Variants in MYO1D observed in about 807,000 individuals in gnomAD.
The protein encoded by MYO1D is unconventional myosin-Id.
Under a neutral mutation model 122.0 loss-of-function variants are expected in MYO1D, and 83 were observed. That is an observed-to-expected ratio of 0.68 (90% CI 0.57 to 0.82). The LOEUF (loss-of-function observed/expected upper bound fraction) is 0.82, where lower values mean the gene tolerates loss of function less well. Ranked by LOEUF, MYO1D falls within the 40% of genes least tolerant of loss-of-function variation. The pLI is 0.00. For missense variants in MYO1D, 1,157 were observed against 1,269.5 expected, an observed-to-expected ratio of 0.91 and a Z score of 1.35; for synonymous variants, 464 against 446.9, an observed-to-expected ratio of 1.04 and a Z score of -0.48.
intron 1 of MYO1D, among the ~76,000 whole-genome samples, chr17:32,790,307 A>G (rs1174162505): frequency 6.6e-6 from 1 of 152,204 alleles, no homozygotes; most frequent in Non-Finnish European, 1.5e-5. Flanking sequence ...ACATTGGTTC[A>G]TCTCATGCCA....
intron 16 of MYO1D, among the ~76,000 whole-genome samples, chr17:32,700,912 C>T (rs936862982): frequency 6.8e-6 from 1 of 146,900 alleles, no homozygotes; most frequent in Admixed American, 6.9e-5. Flanking sequence ...CCATTGTACT[C>T]CAGCTTGGAT....
At chr17:32,777,999 T>C (rs1167314526) in intron 3 of MYO1D, among the ~76,000 whole-genome samples, 3 of 152,196 alleles carry the variant, frequency 2.0e-5, no homozygotes, top group Non-Finnish European at 4.4e-5. Flanking sequence ...CTGAATGTTG[T>C]AATGATGATG....
intron 19 of MYO1D, among the ~76,000 whole-genome samples, chr17:32,641,756 C>G (rs927410343): frequency 6.6e-6 from 1 of 152,192 alleles, no homozygotes; most frequent in African/African-American, 2.4e-5. Context: ...CTGTTCATAT[C>G]TTTCTCCCAC....
At chr17:32,867,006 T>C (rs902895094) in intron 1 of MYO1D, among the ~76,000 whole-genome samples, 3 of 152,340 alleles carry the variant, frequency 2.0e-5, no homozygotes, top group East Asian at 1.9e-4. Flanking sequence ...CTTAATTATA[T>C]TGTCATCAGT....
intron 1 of MYO1D, among the ~76,000 whole-genome samples, chr17:32,810,868 T>G (rs1056234953): frequency 3.9e-5 from 6 of 152,242 alleles, no homozygotes; most frequent in Non-Finnish European, 8.8e-5. Flanking sequence ...TTTTTGGTAA[T>G]TTAATATTTA....
intron 20 of MYO1D, among the ~76,000 whole-genome samples, chr17:32,615,467 G>A (rs1009816390): frequency 2.0e-5 from 3 of 152,138 alleles, no homozygotes; most frequent in Non-Finnish European, 4.4e-5. Flanking sequence ...TCTTCTTGCT[G>A]TCTATGAAAA....
chr17:32,589,760 G>A (rs1446877999), intron 21 of MYO1D, among the ~76,000 whole-genome samples: 1 of 152,144 alleles, frequency 6.6e-6, no homozygotes. Context: ...TCATTCTAGG[G>A]ATTTTTATTG....
chr17:32,659,428 C>G, intron 16 of MYO1D, 90 bp from the exon 17 acceptor site: 3 of 1,321,742 alleles, frequency 2.3e-6, no homozygotes, highest in Non-Finnish European at 3.2e-6. Flanking sequence ...TACTTACAAA[C>G]TCAACCAGGC....
intron 21 of MYO1D, among the ~76,000 whole-genome samples, chr17:32,563,618 T>C (rs943065817): frequency 1.3e-5 from 2 of 152,218 alleles, no homozygotes; most frequent in African/African-American, 4.8e-5. Flanking sequence ...GGGAGAACTA[T>C]AATTGCAATG....
chr17:32,714,270 T>G (rs1239977197), intron 15 of MYO1D, among the ~76,000 whole-genome samples: 2 of 151,464 alleles, frequency 1.3e-5, no homozygotes, highest in Non-Finnish European at 2.9e-5. Context: ...CCCCGATATG[T>G]CCACGTGTTC....
intron 19 of MYO1D, among the ~76,000 whole-genome samples, chr17:32,646,691 AC>A (rs2088299823): frequency 6.6e-6 from 1 of 152,326 alleles, no homozygotes; most frequent in Admixed American, 6.5e-5. Context: ...TTGTATGAAA[AC>A]ACTGTTTGAA....
At chr17:32,692,191 T>C (rs1420845967) in intron 16 of MYO1D, among the ~76,000 whole-genome samples, 2 of 152,242 alleles carry the variant, frequency 1.3e-5, no homozygotes, top group Non-Finnish European at 2.9e-5. Flanking sequence ...ATAAACTTTC[T>C]GTTTTAGGTT....
chr17:32,660,203 T>C (rs140823827), intron 16 of MYO1D, among the ~76,000 whole-genome samples: 148 of 152,320 alleles, frequency 9.7e-4, no homozygotes, highest in Non-Finnish European at 1.8e-3. Flanking sequence ...CCTAGTTGCT[T>C]TCTTCGATGA....
intron 15 of MYO1D, among the ~76,000 whole-genome samples, chr17:32,718,091 C>T (rs1461243902): frequency 6.6e-6 from 1 of 152,048 alleles, no homozygotes; most frequent in African/African-American, 2.4e-5. Context: ...CTCTGGCCCA[C>T]TAATTTACTT....
intron 21 of MYO1D, among the ~76,000 whole-genome samples, chr17:32,576,760 G>C (rs1037388501): frequency 1.3e-5 from 2 of 152,192 alleles, no homozygotes; most frequent in Non-Finnish European, 2.9e-5. Context: ...AGGCTTAAGT[G>C]ATCCTCTCGC....
At chr17:32,662,309 T>G (rs1467731862) in intron 16 of MYO1D, among the ~76,000 whole-genome samples, 3 of 152,204 alleles carry the variant, frequency 2.0e-5, no homozygotes, top group East Asian at 3.8e-4. Flanking sequence ...TTTCTTGAGT[T>G]ATAAAAGCAG....
intron 13 of MYO1D, among the ~76,000 whole-genome samples, chr17:32,741,290 A>T (rs962235778): frequency 6.6e-6 from 1 of 152,006 alleles, no homozygotes; most frequent in Non-Finnish European, 1.5e-5. Flanking sequence ...AATGGATTCA[A>T]ATTTTGGAAG....
At position 32,854,705 on chromosome 17, in the gene MYO1D, C is replaced by A. The variant is rs9891861; in HGVS notation, c.95+22073G>T. On this transcript the variant is annotated intron_variant, in intron 1 of 21. Coordinates refer to ENST00000318217, the MANE Select transcript of MYO1D (RefSeq NM_015194.3). Reference sequence around the variant, plus strand: ...AAAAACATCCCATAAATGTGAAATTCTTGAAAGGCATCTGAGACTCAAAAT... The same window carrying A: ...AAAAACATCCCATAAATGTGAAATTATTGAAAGGCATCTGAGACTCAAAAT... 9.0e-3 allele frequency among the ~76,000 whole-genome samples: 1,369 copies of A among 152,228 alleles called. 19 individuals carry two copies. The highest frequency in any genetic ancestry group is 0.03 in the African/African-American group (1,256 of 41,532).
chr17:32,514,310 C>G (rs1477590520), intron 21 of MYO1D, among the ~76,000 whole-genome samples: 1 of 144,610 alleles, frequency 6.9e-6, no homozygotes, highest in Admixed American at 7.0e-5. Context: ...CCTGGCTGGT[C>G]TTGAACTCCT....
Sources: gnomAD v4.1 joint callset for allele counts (sites outside exome capture counted in the v4.1 genomes callset) on GRCh38, gnomAD v4.1.1 for gene constraint, MANE v1.5 for transcripts, NCBI Gene and HGNC (gene_info 2026-07-23, HGNC 2026-07-21) for gene names.